The following KCNQ1 variants were observed in gnomAD, a reference collection of about 807,000 sequenced individuals.
The protein encoded by KCNQ1 is potassium voltage-gated channel subfamily Q member 1.
KCNQ1 carries 49 observed loss-of-function variants against 72.4 expected under a neutral mutation model. That is an observed-to-expected ratio of 0.68 (90% confidence interval 0.54 to 0.86). The LOEUF (loss-of-function observed/expected upper bound fraction) is 0.86, where lower values mean the gene tolerates loss of function less well. KCNQ1 is among the 40% of genes least tolerant of loss of function. The pLI is 0.00. For missense variants in KCNQ1, 790 were observed against 945.1 expected (o/e 0.84, Z 2.15); for synonymous variants, 450 against 412.6 (o/e 1.09, Z -1.10).
At chr11:2,614,651 T>G in intron 10 of KCNQ1, 4 of 398,476 alleles carry the variant, frequency 1.0e-5, no homozygotes, top group Non-Finnish European at 1.8e-5. Context: ...CCCACTGAAT[T>G]CTTGATACAT....
At chr11:2,615,719 C>G in intron 10 of KCNQ1, 1 of 397,918 alleles carries the variant, frequency 2.5e-6, no homozygotes, top group Non-Finnish European at 4.4e-6. Flanking sequence ...CCCTTGTATT[C>G]TTGAGATAAA....
At chr11:2,606,463 A>G (rs1159576270) in intron 10 of KCNQ1, among the ~76,000 whole-genome samples, 2 of 152,100 alleles carry the variant, frequency 1.3e-5, no homozygotes, top group Non-Finnish European at 2.9e-5. Flanking sequence ...AGTTTATGCT[A>G]AGAGCTGGTT....
rs1474258578 is a variant in KCNQ1 at position 2,550,672 on chromosome 11, G to A, written c.478-19956G>A. ...GGGTGGCGAGTTGAGGGCCAACAGAGATGGTGTCCCGGCTGATGTAGGGTC... is the reference window on the plus strand; with the variant it reads ...GGGTGGCGAGTTGAGGGCCAACAGAAATGGTGTCCCGGCTGATGTAGGGTC... On this transcript the variant is annotated intron_variant, in intron 2 of 15. Transcript: ENST00000155840. The surrounding 1 kb of genome is among the most constrained non-coding windows in gnomAD (Gnocchi z 6.0). 2.0e-5 allele frequency among the ~76,000 whole-genome samples: 3 copies of A among 152,192 alleles called. No homozygotes were observed. Among genetic ancestry groups the A allele is most frequent in the Non-Finnish European group, 4.4e-5 (3 of 68,026 alleles).
intron 10 of KCNQ1, among the ~76,000 whole-genome samples, chr11:2,605,546 C>T (rs949785146): frequency 2.6e-5 from 4 of 152,198 alleles, no homozygotes; most frequent in African/African-American, 9.6e-5. Context: ...AAAGACTATT[C>T]TTTCCGCATT....
In KCNQ1 at chr11:2,830,518, A is replaced by G. The variant is rs1238453250; in HGVS notation, c.1795-17249A>G. Among the ~76,000 whole-genome samples, 1 of 152,058 alleles carries G rather than the reference A, an allele frequency of 6.6e-6. No homozygotes were observed. Among genetic ancestry groups the G allele is most frequent in the Non-Finnish European group, 1.5e-5 (1 of 67,964 alleles). The stretch of plus-strand genomic sequence containing the variant: ...CACACCCCAGTCCCAGTGTCCCAAG[A>G]ACCTCTTCCTCCAGCCCCGGGAGCA... On this transcript the variant is annotated intron_variant, in intron 15 of 15. Transcript: ENST00000155840. This position sits in a 1 kb window ranked among gnomAD's most constrained non-coding sequence, Gnocchi z 7.7.
intron 10 of KCNQ1, chr11:2,630,640 A>G: frequency 2.5e-6 from 1 of 398,384 alleles, no homozygotes; most frequent in Non-Finnish European, 4.4e-6. Context: ...CTATTAGAGT[A>G]TTCTTAAGTT....
chr11:2,486,567 T>C lies in KCNQ1; in HGVS notation c.386+41083T>C, dbSNP rs1217780628. 6.6e-6 allele frequency among the ~76,000 whole-genome samples: 1 copy of C among 152,212 alleles called. No individual in the cohort carries two copies. The highest frequency in any genetic ancestry group is 1.5e-5 in the Non-Finnish European group (1 of 68,030). ...GGTCTTTGTGTTAGTCCATTTAGCA[T>C]TGCTATAAAGGAATACCTGAGGCTG... is the stretch of plus-strand genomic sequence containing the variant. On this transcript the variant is annotated intron_variant, in intron 1 of 15. Coordinates refer to ENST00000155840, the MANE Select transcript of KCNQ1 (RefSeq NM_000218.3). This position sits in a 1 kb window ranked among gnomAD's most constrained non-coding sequence, Gnocchi z 5.0.
intron 15 of KCNQ1, among the ~76,000 whole-genome samples, chr11:2,805,280 G>A (rs2134031270): frequency 6.6e-6 from 1 of 152,326 alleles, no homozygotes; most frequent in East Asian, 1.9e-4. Flanking sequence ...GGCTGCAGCT[G>A]CACAGGGCCC....
rs559874884 is a variant in KCNQ1, at chr11:2,734,689, A to G, written c.1515-34155A>G. 7.9e-5 allele frequency among the ~76,000 whole-genome samples: 12 copies of G among 152,046 alleles called. No individual in the cohort carries two copies. The highest frequency in any genetic ancestry group is 1.6e-4 in the Non-Finnish European group (11 of 67,956). On this transcript the variant is annotated intron_variant, in intron 11 of 15. Coordinates refer to ENST00000155840, the MANE Select transcript of KCNQ1 (RefSeq NM_000218.3). This position sits in a 1 kb window ranked among gnomAD's most constrained non-coding sequence, Gnocchi z 7.0. ...AAGAGATGAGTCAGGTCCCAGGCACATTCAGTGCCAGCCAGGGAGGTGAGA... is the reference window on the plus strand; with the variant it reads ...AAGAGATGAGTCAGGTCCCAGGCACGTTCAGTGCCAGCCAGGGAGGTGAGA...
At chr11:2,792,704 C>T (rs1847052260) in intron 15 of KCNQ1, among the ~76,000 whole-genome samples, 1 of 152,204 alleles carries the variant, frequency 6.6e-6, no homozygotes, top group Non-Finnish European at 1.5e-5. Flanking sequence ...GCCAGAGCCA[C>T]GGACAAGGGG....
At chr11:2,765,252 T>A (rs991617283) in intron 11 of KCNQ1, among the ~76,000 whole-genome samples, 1 of 152,240 alleles carries the variant, frequency 6.6e-6, no homozygotes, top group Non-Finnish European at 1.5e-5. Context: ...TATTTTTCTT[T>A]GACCCCTGGG....
At position 2,569,266 on chromosome 11, in the gene KCNQ1, C is replaced by T. The variant is rs115963132; in HGVS notation, c.478-1362C>T. Among the ~76,000 whole-genome samples, 348 of 152,318 alleles carry T rather than the reference C, an allele frequency of 2.3e-3. 2 individuals are homozygous for T. Among genetic ancestry groups the T allele is most frequent in the African/African-American group, 8.0e-3 (334 of 41,568 alleles). On this transcript the variant is annotated intron_variant, in intron 2 of 15. Transcript: ENST00000155840. ...ACCCACACACCCCTGAAGGATTTGA[C>T]GTCATGAGCCAAAAACATTTTTGCA...
At chr11:2,820,926 C>T (rs1021210690) in intron 15 of KCNQ1, among the ~76,000 whole-genome samples, 1 of 152,250 alleles carries the variant, frequency 6.6e-6, no homozygotes, top group Non-Finnish European at 1.5e-5. Context: ...TACACCCCAC[C>T]TCCATTGCTG....
At chr11:2,628,446 TG>T (rs1849295559) in intron 10 of KCNQ1, 2 of 398,514 alleles carry the variant, frequency 5.0e-6, no homozygotes, top group Non-Finnish European at 8.8e-6. Flanking sequence ...TTTGAATAAA[TG>T]TCTATTCAGT....
intron 1 of KCNQ1, among the ~76,000 whole-genome samples, chr11:2,460,587 G>C (rs1351583358): frequency 6.6e-6 from 1 of 152,082 alleles, no homozygotes; most frequent in Non-Finnish European, 1.5e-5. Context: ...GGCCTCTCAG[G>C]TACAGGGACT....
rs1253791299 is a variant in KCNQ1 at position 2,565,749 on chromosome 11, G to A, written c.478-4879G>A. 1.3e-5 allele frequency among the ~76,000 whole-genome samples: 2 copies of A among 152,232 alleles called. No individual in the cohort carries two copies. Among genetic ancestry groups the A allele is most frequent in the Non-Finnish European group, 1.5e-5 (1 of 68,034 alleles). On this transcript the variant is annotated intron_variant, in intron 2 of 15. Transcript: ENST00000155840. The surrounding 1 kb of genome is among the most constrained non-coding windows in gnomAD (Gnocchi z 5.6). The stretch of plus-strand genomic sequence containing the variant: ...TGTGGAGTGCAGTGGCATCAGCCAA[G>A]GCTCCGAGGCGTTTCTTCCCACTTC...
At chr11:2,461,891 T>A (rs890300477) in intron 1 of KCNQ1, 2 of 446,364 alleles carry the variant, frequency 4.5e-6, no homozygotes, top group South Asian at 1.8e-5. Flanking sequence ...GGGAGAGAAA[T>A]GGATGGGGCA....
Position 2,663,420 on chromosome 11 carries a change from T to A in KCNQ1, c.1514+1339T>A. The A allele has an allele frequency of 2.5e-6, 1 of 398,834 alleles. No individual in the cohort carries two copies. Among genetic ancestry groups the A allele is most frequent in the Admixed American group, 4.4e-5 (1 of 22,750 alleles). 24.7% of individuals were successfully genotyped at this position (398,834 alleles called of 1,614,324 possible). On this transcript the variant is annotated intron_variant, in intron 11 of 15. Transcript: ENST00000155840. The surrounding 1 kb of genome is among the most constrained non-coding windows in gnomAD (Gnocchi z 5.2). ...TGGCTTACACTGTGGCCAAGGCCTGTACCAAGTCCTGGATATGATGGACCT... is the reference window on the plus strand; with the variant it reads ...TGGCTTACACTGTGGCCAAGGCCTGAACCAAGTCCTGGATATGATGGACCT...
Position 2,687,804 on chromosome 11 carries a change from C to T in KCNQ1, c.1514+25723C>T, listed in dbSNP as rs1850516660. The T allele has an allele frequency of 2.5e-6, 1 of 398,730 alleles. No homozygotes were observed. Among genetic ancestry groups the T allele is most frequent in the African/African-American group, 2.1e-5 (1 of 48,746 alleles). The allele number at this position is 398,730 out of a possible 1,614,324, so 24.7% of individuals were successfully genotyped here. On this transcript the variant is annotated intron_variant, in intron 11 of 15. Coordinates refer to ENST00000155840, the MANE Select transcript of KCNQ1 (RefSeq NM_000218.3). This position sits in a 1 kb window ranked among gnomAD's most constrained non-coding sequence, Gnocchi z 5.0. Reference sequence around the variant, plus strand: ...CACACCCCTAAGCCACCCAGCCTGGCCCCCCTCCTCTGCCCCAACTGGCTC... The same window carrying T: ...CACACCCCTAAGCCACCCAGCCTGGTCCCCCTCCTCTGCCCCAACTGGCTC...
Sources: gnomAD v4.1 joint callset for allele counts (sites outside exome capture counted in the v4.1 genomes callset) on GRCh38, gnomAD v4.1.1 for gene constraint, Gnocchi (gnomAD v3.1) non-coding constraint, MANE v1.5 for transcripts, NCBI Gene and HGNC (gene_info 2026-07-23, HGNC 2026-07-21) for gene names.